Variants in VXN observed in about 807,000 individuals in gnomAD.
VXN encodes the protein vexin.
VXN carries 7 observed loss-of-function variants against 23.1 expected under a neutral mutation model. That is an observed-to-expected ratio of 0.30 (90% CI 0.17 to 0.57). The LOEUF (loss-of-function observed/expected upper bound fraction) is 0.57, where lower values mean the gene tolerates loss of function less well. Among genes scored for constraint, VXN ranks in the 20% least tolerant of loss-of-function variants. The probability of loss-of-function intolerance (pLI) is 0.91; values close to 1 mark genes in which losing one functional copy is unlikely to be tolerated. For missense variants in VXN, 238 were observed against 272.6 expected, an observed-to-expected ratio of 0.87 and a Z score of 0.89; for synonymous variants, 120 against 105.8, an observed-to-expected ratio of 1.13 and a Z score of -0.83.
At chr8:66,513,045 G>A (rs990066053) in intron 4 of VXN, among the ~76,000 whole-genome samples, 7 of 152,180 alleles carry the variant, frequency 4.6e-5, no homozygotes, top group African/African-American at 1.4e-4. Flanking sequence ...AAGGAGGTCC[G>A]AGGTCACTGT....
chr8:66,500,441 T>C (rs1462535254), intron 2 of VXN, among the ~76,000 whole-genome samples: 2 of 152,256 alleles, frequency 1.3e-5, no homozygotes, highest in Non-Finnish European at 2.9e-5. Context: ...TGATTCTTCA[T>C]CTTTTCATAG....
chr8:66,514,796 T>G (rs997266495), intron 5 of VXN, among the ~76,000 whole-genome samples: 2 of 152,148 alleles, frequency 1.3e-5, no homozygotes, highest in African/African-American at 4.8e-5. Context: ...TTCAGGAAAC[T>G]TATCTAGTAG....
intron 2 of VXN, among the ~76,000 whole-genome samples, chr8:66,500,155 C>T (rs1807674723): frequency 6.6e-6 from 1 of 152,244 alleles, no homozygotes; most frequent in Non-Finnish European, 1.5e-5. Context: ...TAGGGTTCCC[C>T]ATTTTTTCTA....
At chr8:66,498,672 G>T (rs1201423389) in intron 2 of VXN, among the ~76,000 whole-genome samples, 1 of 152,182 alleles carries the variant, frequency 6.6e-6, no homozygotes, top group African/African-American at 2.4e-5. Flanking sequence ...ACAGGTGGGG[G>T]TTGTCCACAG....
intron 3 of VXN, among the ~76,000 whole-genome samples, chr8:66,507,415 G>A (rs975890189): frequency 3.9e-5 from 6 of 152,242 alleles, no homozygotes; most frequent in East Asian, 3.9e-4. Context: ...AGAAGAAACC[G>A]AAACCATAGA....
chr8:66,517,166 T>C lies in VXN; in HGVS notation c.*1090T>C, dbSNP rs1417285792. The C allele has an allele frequency of 6.6e-6, 1 of 152,264 alleles. No individual in the cohort carries two copies. The highest frequency in any genetic ancestry group is 1.5e-5 in the Non-Finnish European group (1 of 68,042). The allele number at this position is 152,264 out of a possible 1,614,324, so 9.4% of individuals were successfully genotyped here. A position where few individuals can be genotyped will look rare whatever the true frequency, so the allele number is the denominator to read the frequency against. On this transcript the variant is annotated 3_prime_UTR_variant, in exon 6 of 6. Coordinates refer to ENST00000305454, the MANE Select transcript of VXN (RefSeq NM_152765.4). ...TCATATGGTTCAACCTCATATATGA[T>C]ACTATGCTTTTCTTCTATCAGTGAA...
intron 2 of VXN, among the ~76,000 whole-genome samples, chr8:66,499,544 T>C (rs1807667208): frequency 6.6e-6 from 1 of 151,776 alleles, no homozygotes; most frequent in South Asian, 2.1e-4. Flanking sequence ...GCCAGTTTTG[T>C]TTTTTTGTTT....
At chr8:66,507,083 G>A (rs1335250944) in intron 3 of VXN, among the ~76,000 whole-genome samples, 1 of 152,152 alleles carries the variant, frequency 6.6e-6, no homozygotes, top group Non-Finnish European at 1.5e-5. Context: ...TAGTAGGACT[G>A]GGTAGGCCCC....
At chr8:66,514,418 G>A (rs1038942740) in intron 5 of VXN, 1 of 152,242 alleles carries the variant, frequency 6.6e-6, no homozygotes, top group African/African-American at 2.4e-5. Flanking sequence ...GGGTTGTGGT[G>A]AGAATTAATT....
Position 66,516,687 on chromosome 8 carries a change from G to A in VXN, c.*611G>A, listed in dbSNP as rs1014101578. 1 of 152,200 alleles carries A rather than the reference G, an allele frequency of 6.6e-6. No homozygotes were observed. Among genetic ancestry groups the A allele is most frequent in the African/African-American group, 2.4e-5 (1 of 41,458 alleles). 9.4% of individuals were successfully genotyped at this position (152,200 alleles called of 1,614,324 possible). A position where few individuals can be genotyped will look rare whatever the true frequency, so the allele number is the denominator to read the frequency against. Reference sequence around the variant, plus strand: ...TATAGAAAAACATTAAAAGTTAAATGTTGACTGCTAATGTTTTCTGAAGTG... The same window carrying A: ...TATAGAAAAACATTAAAAGTTAAATATTGACTGCTAATGTTTTCTGAAGTG... On this transcript the variant is annotated 3_prime_UTR_variant, in exon 6 of 6. Transcript: ENST00000305454.
At chr8:66,510,814 T>A (rs539049158) in intron 4 of VXN, among the ~76,000 whole-genome samples, 18 of 152,310 alleles carry the variant, frequency 1.2e-4, no homozygotes, top group African/African-American at 4.1e-4. Context: ...ATAAGGGCAC[T>A]GATCTTATCA....
Position 66,496,552 on chromosome 8 carries a change from G to C in VXN, c.126+60G>C. On this transcript the variant is annotated intron_variant, in intron 2 of 5. Transcript: ENST00000305454. ...ACTTTCATTTAAAAAGCAATGCCAG[G>C]CTTCTTCTTCACTCTCGCTCCCCAG... The C allele has an allele frequency of 4.0e-6, 6 of 1,507,556 alleles. No homozygotes were observed. The Admixed American group carries it at 1.0e-4, about 25-fold the overall frequency. The allele number at this position is 1,507,556 out of a possible 1,614,324, so 93.4% of individuals were successfully genotyped here.
intron 3 of VXN, among the ~76,000 whole-genome samples, chr8:66,507,497 T>C (rs1807772985): frequency 6.6e-6 from 1 of 152,204 alleles, no homozygotes; most frequent in Non-Finnish European, 1.5e-5. Flanking sequence ...GGTCTTTTGA[T>C]TCCCTAGCTA....
At chr8:66,513,751 A>T in intron 5 of VXN, 114 bp downstream of exon 5, 1 of 729,202 alleles carries the variant, frequency 1.4e-6, no homozygotes, top group South Asian at 1.8e-5. Context: ...GCCAACACAA[A>T]CCCATGCCAG....
intron 2 of VXN, chr8:66,498,830 A>G (rs752021424): frequency 2.2e-6 from 1 of 456,338 alleles, no homozygotes; most frequent in Non-Finnish European, 4.4e-6. Context: ...TACAGACTCT[A>G]CTTGACCAAG....
intron 5 of VXN, among the ~76,000 whole-genome samples, chr8:66,514,933 G>A (rs1807869751): frequency 6.6e-6 from 1 of 152,194 alleles, no homozygotes; most frequent in African/African-American, 2.4e-5. Context: ...CTAGTGGGGA[G>A]CACTTCTGAA....
chr8:66,515,347 C>G (rs1169931579), intron 5 of VXN, among the ~76,000 whole-genome samples: 2 of 152,222 alleles, frequency 1.3e-5, no homozygotes, highest in Non-Finnish European at 2.9e-5. Context: ...AAGGCATGAA[C>G]ACATGTTGAG....
At chr8:66,507,669 G>A (rs1196017441) in intron 3 of VXN, among the ~76,000 whole-genome samples, 1 of 152,114 alleles carries the variant, frequency 6.6e-6, no homozygotes, top group Non-Finnish European at 1.5e-5. Flanking sequence ...TGCCCAGCAC[G>A]TGACAGTCAG....
chr8:66,516,700 G>A lies in VXN; in HGVS notation c.*624G>A, dbSNP rs1025025473. 2 of 152,196 alleles carry A rather than the reference G, an allele frequency of 1.3e-5. No homozygotes were observed. Among genetic ancestry groups the A allele is most frequent in the Non-Finnish European group, 2.9e-5 (2 of 68,038 alleles). 9.4% of individuals were successfully genotyped at this position (152,196 alleles called of 1,614,324 possible). A position where few individuals can be genotyped will look rare whatever the true frequency, so the allele number is the denominator to read the frequency against. ...TAAAAGTTAAATGTTGACTGCTAAT[G>A]TTTTCTGAAGTGGCATAGTCTAGTG... On this transcript the variant is annotated 3_prime_UTR_variant, in exon 6 of 6. Coordinates refer to ENST00000305454, the MANE Select transcript of VXN (RefSeq NM_152765.4).
Sources: allele counts gnomAD v4.1 joint callset (sites outside exome capture counted in the v4.1 genomes callset), GRCh38; gene constraint gnomAD v4.1.1; transcripts MANE v1.5; gene names NCBI Gene and HGNC (gene_info 2026-07-23, HGNC 2026-07-21).